KRT20: variants seen among roughly 807,000 people sequenced by gnomAD.
KRT20 encodes keratin 20.
A neutral mutation model predicts 43.0 loss-of-function variants in KRT20; 41 were observed. That is an observed-to-expected ratio of 0.95 (90% CI 0.74 to 1.24). The LOEUF (loss-of-function observed/expected upper bound fraction) is 1.24. KRT20 is among the 50% of genes most tolerant of loss of function. The pLI is 0.00. For missense variants in KRT20, 533 were observed against 521.2 expected (o/e 1.02, Z -0.22); for synonymous variants, 207 against 200.6 (o/e 1.03, Z -0.27).
rs763509724 is a variant in KRT20 at position 40,876,439 on chromosome 17, C to T, written c.1197G>A (p.Lys399=). ...CTACTTCTTGCACGACTGTCTTAAT[C>T]TTCCTGGTTTTCTTTATATCTGAAT... The part of the protein sequence containing the change: ...LEERDIKKTR[K]IKTVVQEVVD... Residue 399 remains lysine, a synonymous_variant, in exon 8 of 8, where the codon AAG becomes AAA. Coordinates refer to ENST00000167588, the MANE Select transcript of KRT20 (RefSeq NM_019010.3). 6.2e-7 allele frequency: 1 copy of T among 1,611,838 alleles called. No individual in the cohort carries two copies. Among genetic ancestry groups the T allele is most frequent in the South Asian group, 1.1e-5 (1 of 90,926 alleles).
chr17:40,882,870 C>T (rs1190029025), intron 1 of KRT20, among the ~76,000 whole-genome samples: 4 of 151,950 alleles, frequency 2.6e-5, no homozygotes, highest in African/African-American at 4.8e-5. Context: ...CCACCATGCC[C>T]GGCTAATTTT....
rs1907430143 is a variant in KRT20, at chr17:40,878,197, G to A, written c.1087C>T (p.Leu363Phe). The A allele has an allele frequency of 6.2e-7, 1 of 1,613,950 alleles. No individual in the cohort carries two copies. Among genetic ancestry groups the A allele is most frequent in the Admixed American group, 1.7e-5 (1 of 59,990 alleles). The change falls in exon 6 of 8, where the codon CTT becomes TTT. Residue 363 changes from leucine to phenylalanine, a missense_variant. Transcript: ENST00000167588. ...CGGTAAGTAGCAATTTCCTGTTCAAGTCGAGTCTTTATGTCAAGAAGGATA... is the reference window on the plus strand; with the variant it reads ...CGGTAAGTAGCAATTTCCTGTTCAAATCGAGTCTTTATGTCAAGAAGGATA... ...YHILLDIKTR[L>F]EQEIATYRRL...
Position 40,875,997 on chromosome 17 carries a change from T to C in KRT20, c.*364A>G, listed in dbSNP as rs963838252. 6 of 166,214 alleles carry C rather than the reference T, an allele frequency of 3.6e-5. No homozygotes were observed. The highest frequency in any genetic ancestry group is 3.2e-4 in the Admixed American group (5 of 15,762). The allele number at this position is 166,214 out of a possible 1,614,324, so 10.3% of individuals were successfully genotyped here. A position where few individuals can be genotyped will look rare whatever the true frequency, so the allele number is the denominator to read the frequency against. On this transcript the variant is annotated 3_prime_UTR_variant, in exon 8 of 8. Coordinates refer to ENST00000167588, the MANE Select transcript of KRT20 (RefSeq NM_019010.3). Reference sequence around the variant, plus strand: ...TATTTGCAATTTACATGGATTCCTCTACTTTGTGAGGTTTAGTATAATTGA... The same window carrying C: ...TATTTGCAATTTACATGGATTCCTCCACTTTGTGAGGTTTAGTATAATTGA...
Position 40,880,677 on chromosome 17 carries a change from A to G in KRT20, c.567T>C (p.Asp189=), listed in dbSNP as rs1217422455. The G allele has an allele frequency of 6.2e-7, 1 of 1,612,522 alleles. No homozygotes were observed. The highest frequency in any genetic ancestry group is 1.7e-5 in the Admixed American group (1 of 59,708). Residue 189 remains aspartate (D), a synonymous_variant, in exon 3 of 8, where the codon GAT becomes GAC. Coordinates refer to ENST00000167588, the MANE Select transcript of KRT20 (RefSeq NM_019010.3). The part of the protein sequence containing the change: ...VFDDLTLHKT[D]LEIQIEELNK... The stretch of plus-strand genomic sequence containing the variant: ...TCAGTTCTTCAATTTGAATCTCCAA[A>G]TCTGTTTTATGTAGGGTTAGGTCAT...
chr17:40,882,649 C>T lies in KRT20; in HGVS notation c.396G>A (p.Lys132=), dbSNP rs111256624. The change falls in exon 2 of 8, where the codon AAG becomes AAA. Residue 132 remains lysine, a synonymous_variant. Coordinates refer to ENST00000167588, the MANE Select transcript of KRT20 (RefSeq NM_019010.3). ...RQIEELRSQI[K]DAQLQNARCV... ...ACCGAGCATTTTGCAGTTGAGCATC[C>T]TTAATCTGGAAAATACATGAGAAAG... is the stretch of plus-strand genomic sequence containing the variant. 4.3e-5 allele frequency: 64 copies of T among 1,482,774 alleles called. No individual in the cohort carries two copies. In the African/African-American group the frequency reaches 6.5e-4, roughly 15 times the overall value. The allele number at this position is 1,482,774 out of a possible 1,614,324, so 91.9% of individuals were successfully genotyped here.
chr17:40,884,056 T>C (rs1446213364), intron 1 of KRT20, among the ~76,000 whole-genome samples: 2 of 152,244 alleles, frequency 1.3e-5, no homozygotes, highest in Non-Finnish European at 2.9e-5. Context: ...CTGTGTCATA[T>C]CTGAAATTTT....
rs377380533 is a variant in KRT20 at position 40,877,425 on chromosome 17, T to A, written c.1140-8A>T. The A allele has an allele frequency of 2.0e-6, 3 of 1,494,642 alleles. No individual in the cohort carries two copies. The highest frequency in any genetic ancestry group is 1.5e-5 in the African/African-American group (1 of 68,176). The allele number at this position is 1,494,642 out of a possible 1,614,324, so 92.6% of individuals were successfully genotyped here. A position where few individuals can be genotyped will look rare whatever the true frequency, so the allele number is the denominator to read the frequency against. ...AACTGATATTCTGTAGTTCTGTTTT[T>A]TTTTTTAATGAAAAGAAGAAAAAAG... On this transcript the variant is annotated splice_region_variant and splice_polypyrimidine_tract_variant and intron_variant, in intron 6 of 7. Coordinates refer to ENST00000167588, the MANE Select transcript of KRT20 (RefSeq NM_019010.3).
At position 40,884,152 on chromosome 17, in the gene KRT20, G is replaced by C. The variant is rs564696238; in HGVS notation, c.390+644C>G. The stretch of plus-strand genomic sequence containing the variant: ...CCTTTTTTTGATGACATAGGAGGAG[G>C]TTGTGATATGATTGTAATAAACATG... On this transcript the variant is annotated intron_variant, in intron 1 of 7. Coordinates refer to ENST00000167588, the MANE Select transcript of KRT20 (RefSeq NM_019010.3). Among the ~76,000 whole-genome samples the C allele has an allele frequency of 1.6e-4, 25 of 152,180 alleles. No homozygotes were observed. The South Asian group carries it at 3.3e-3, about 20-fold the overall frequency.
chr17:40,882,650 T>C lies in KRT20; in HGVS notation c.395A>G (p.Lys132Arg). The C allele has an allele frequency of 2.7e-6, 4 of 1,481,536 alleles. No homozygotes were observed. Among genetic ancestry groups the C allele is most frequent in the Non-Finnish European group, 3.6e-6 (4 of 1,104,432 alleles). 91.8% of individuals were successfully genotyped at this position (1,481,536 alleles called of 1,614,324 possible). A position where few individuals can be genotyped will look rare whatever the true frequency, so the allele number is the denominator to read the frequency against. The change falls in exon 2 of 8, where the codon AAG becomes AGG. Residue 132 changes from lysine (K) to arginine (R), a missense_variant. Transcript: ENST00000167588. ...RQIEELRSQIKDAQLQNARCV... is the reference protein window; with the variant it reads ...RQIEELRSQIRDAQLQNARCV... Reference sequence around the variant, plus strand: ...CCGAGCATTTTGCAGTTGAGCATCCTTAATCTGGAAAATACATGAGAAAGA... The same window carrying C: ...CCGAGCATTTTGCAGTTGAGCATCCCTAATCTGGAAAATACATGAGAAAGA...
rs756840949 is a variant in KRT20 at position 40,884,972 on chromosome 17, T to C, written c.214A>G (p.Met72Val). Residue 72 changes from methionine (M) to valine (V), a missense_variant, in exon 1 of 8, where the codon ATG (methionine) becomes GTG (valine). Physicochemically the swap from Met to Val is conservative, Grantham distance 21 (BLOSUM62 1). Coordinates refer to ENST00000167588, the MANE Select transcript of KRT20 (RefSeq NM_019010.3). Reference sequence around the variant, plus strand: ...CGGTCATTTAGGTTCTGCATGGCCATTTTCTCATTGCCAACAAACAGGTCC... The same window carrying C: ...CGGTCATTTAGGTTCTGCATGGCCACTTTCTCATTGCCAACAAACAGGTCC... ...GGDLFVGNEK[M>V]AMQNLNDRLA... 2 of 1,614,178 alleles carry C rather than the reference T, an allele frequency of 1.2e-6. No homozygotes were observed. Among genetic ancestry groups the C allele is most frequent in the South Asian group, 2.2e-5 (2 of 91,080 alleles).
rs368883053 is a variant in KRT20 at position 40,884,847 on chromosome 17, A to G, written c.339T>C (p.Ala113=). 6.2e-7 allele frequency: 1 copy of G among 1,614,208 alleles called. No homozygotes were observed. The highest frequency in any genetic ancestry group is 2.2e-5 in the East Asian group (1 of 44,882). The change falls in exon 1 of 8, where the codon GCT becomes GCC. Residue 113 remains alanine (A), a synonymous_variant. Coordinates refer to ENST00000167588, the MANE Select transcript of KRT20 (RefSeq NM_019010.3). The part of the protein sequence containing the change: ...KQWYETNAPR[A]GRDYSAYYRQ... ...TGTAATATGCACTGTAGTCGCGACC[A>G]GCCCTCGGGGCGTTGGTTTCGTACC...
chr17:40,884,842 C>T lies in KRT20; in HGVS notation c.344G>A (p.Arg115His), dbSNP rs755352290. The T allele has an allele frequency of 4.3e-6, 7 of 1,614,052 alleles. No individual in the cohort carries two copies. The highest frequency in any genetic ancestry group is 5.1e-6 in the Non-Finnish European group (6 of 1,180,042). The change falls in exon 1 of 8, where the codon CGC (arginine) becomes CAC (histidine). Residue 115 changes from arginine to histidine, a missense_variant. By Grantham distance (29) the Arg-to-His change is conservative. Transcript: ENST00000167588. ...TTGTCTGTAATATGCACTGTAGTCGCGACCAGCCCTCGGGGCGTTGGTTTC... is the reference window on the plus strand; with the variant it reads ...TTGTCTGTAATATGCACTGTAGTCGTGACCAGCCCTCGGGGCGTTGGTTTC... ...WYETNAPRAG[R>H]DYSAYYRQIE...
intron 6 of KRT20, 66 bp downstream of exon 6, chr17:40,878,079 A>C (rs1305219928): frequency 8.4e-6 from 11 of 1,304,462 alleles, no homozygotes; most frequent in Non-Finnish European, 1.2e-5. Context: ...GTAATGAGTG[A>C]CAGGGACATT....
Position 40,878,825 on chromosome 17 carries a change from G to A in KRT20, c.919-460C>T, listed in dbSNP as rs149703721. ...TTCTTTTTCTTTTTTTTTTTGGGACGGAGTCTTGCTCTGTCGCCCAGGCTG... is the reference window on the plus strand; with the variant it reads ...TTCTTTTTCTTTTTTTTTTTGGGACAGAGTCTTGCTCTGTCGCCCAGGCTG... On this transcript the variant is annotated intron_variant, in intron 5 of 7. Coordinates refer to ENST00000167588, the MANE Select transcript of KRT20 (RefSeq NM_019010.3). Among the ~76,000 whole-genome samples the A allele has an allele frequency of 5.1e-3, 748 of 147,798 alleles. 9 individuals carry two copies. The highest frequency in any genetic ancestry group is 0.018 in the African/African-American group (714 of 39,722).
Position 40,877,384 on chromosome 17 carries a change from C to G in KRT20, c.1173G>C (p.Glu391Asp), listed in dbSNP as rs775900682. 5 of 1,529,928 alleles carry G rather than the reference C, an allele frequency of 3.3e-6. No homozygotes were observed. The highest frequency in any genetic ancestry group is 1.5e-5 in the African/African-American group (1 of 68,838). The allele number at this position is 1,529,928 out of a possible 1,614,324, so 94.8% of individuals were successfully genotyped here. A position where few individuals can be genotyped will look rare whatever the true frequency, so the allele number is the denominator to read the frequency against. ...GTGCAAAAATTTAGAACTTACCTCT[C>G]TCTTCCAGGGTGCTTAACTGATATT... is the stretch of plus-strand genomic sequence containing the variant. ...TTEYQLSTLE[E>D]RDIKKTRKIK... Residue 391 changes from glutamate to aspartate, a missense_variant, in exon 7 of 8, where the codon GAG becomes GAC. Coordinates refer to ENST00000167588, the MANE Select transcript of KRT20 (RefSeq NM_019010.3).
chr17:40,880,892 T>A (rs1303756640), intron 2 of KRT20, 122 bp from the exon 3 acceptor site: 2 of 634,030 alleles, frequency 3.2e-6, no homozygotes, highest in Non-Finnish European at 4.9e-6. Context: ...CAATACTTTA[T>A]AATGTCTGCC....
intron 2 of KRT20, among the ~76,000 whole-genome samples, chr17:40,881,584 A>T (rs1188636113): frequency 1.3e-5 from 2 of 152,156 alleles, no homozygotes; most frequent in Non-Finnish European, 2.9e-5. Context: ...CAACTTTAAA[A>T]AATGACACTG....
Position 40,880,759 on chromosome 17 carries a change from T to C in KRT20, c.485A>G (p.Glu162Gly). The change falls in exon 3 of 8, where the codon GAG (glutamate) becomes GGG (glycine). Residue 162 changes from glutamate (E) to glycine (G), a missense_variant. Physicochemically the swap from Glu to Gly is moderately conservative, Grantham distance 98. Coordinates refer to ENST00000167588, the MANE Select transcript of KRT20 (RefSeq NM_019010.3). The part of the protein sequence containing the change: ...AEDFRLKYET[E>G]RGIRLTVEAD... ...TTCCACTGTTAGACGTATTCCTCTC[T>C]CAGTCTCATACCTGTGAATTAATTA... is the stretch of plus-strand genomic sequence containing the variant. 6.4e-7 allele frequency: 1 copy of C among 1,551,438 alleles called. No homozygotes were observed. The highest frequency in any genetic ancestry group is 1.4e-5 in the African/African-American group (1 of 72,830).
At chr17:40,877,904 T>C (rs1349129991) in intron 6 of KRT20, among the ~76,000 whole-genome samples, 1 of 152,142 alleles carries the variant, frequency 6.6e-6, no homozygotes, top group East Asian at 1.9e-4. Context: ...TGGAGAATTA[T>C]CTCCAAATGA....
Sources: gnomAD v4.1 joint callset for allele counts (sites outside exome capture counted in the v4.1 genomes callset) on GRCh38, gnomAD v4.1.1 for gene constraint, MANE v1.5 for transcripts, NCBI Gene and HGNC (gene_info 2026-07-23, HGNC 2026-07-21) for gene names.